The following DCAF6 variants were observed in gnomAD, a reference collection of about 807,000 sequenced individuals.
DCAF6 encodes the protein DDB1- and CUL4-associated factor 6.
In DCAF6, 54 loss-of-function variants were observed where a neutral mutation model predicts 125.1. The ratio of observed to expected loss-of-function variants is 0.43; its 90% CI spans 0.35 to 0.54. DCAF6 has a LOEUF of 0.54. Ranked by LOEUF, DCAF6 falls within the 20% of genes least tolerant of loss-of-function variation. The pLI, the probability that DCAF6 is intolerant of heterozygous loss-of-function variation, is 0.01. For synonymous variants in DCAF6, 371 were observed against 390.4 expected (o/e 0.95, Z 0.58); for missense variants, 934 against 1,161.7 (o/e 0.80, Z 2.85).
At chr1:168,023,976 A>C (rs549501397) in intron 12 of DCAF6, 1 of 152,222 alleles carries the variant, frequency 6.6e-6, no homozygotes, top group South Asian at 2.1e-4. Context: ...GCTACTTGGG[A>C]GGCTGGGGCG....
the DCAF6 span, among the ~76,000 whole-genome samples, chr1:167,880,922 A>G: frequency 6.6e-6 from 1 of 152,258 alleles, no homozygotes; most frequent in Non-Finnish European, 1.5e-5. Flanking sequence ...GTTTAAGTCT[A>G]TGAAGCAGCA....
chr1:167,967,978 A>T (rs1488337494), intron 3 of DCAF6, among the ~76,000 whole-genome samples: 1 of 151,798 alleles, frequency 6.6e-6, no homozygotes, highest in Admixed American at 6.6e-5. Context: ...TGATCTGCCC[A>T]CCTCATCCTC....
intron 7 of DCAF6, among the ~76,000 whole-genome samples, chr1:168,001,292 G>GA (rs1040505798): frequency 8.7e-5 from 13 of 148,574 alleles, no homozygotes; most frequent in African/African-American, 1.2e-4. Flanking sequence ...ACCCTGCCTG[G>GA]AAAAAAAAAA....
chr1:168,013,561 A>G lies in DCAF6; in HGVS notation c.1379-2220A>G, dbSNP rs558592291. 2.9e-4 allele frequency among the ~76,000 whole-genome samples: 44 copies of G among 152,210 alleles called. No individual in the cohort carries two copies. The Middle Eastern group carries it at 0.014, about 47-fold the overall frequency. ...TAATTAATGAGGTTTTTATGCACCTATTCAAAACCAATTCCTCCTCTGATA... is the reference window on the plus strand; with the variant it reads ...TAATTAATGAGGTTTTTATGCACCTGTTCAAAACCAATTCCTCCTCTGATA... On this transcript the variant is annotated intron_variant, in intron 10 of 21. Transcript: ENST00000367840.
intron 3 of DCAF6, chr1:167,968,391 G>A (rs964410740): frequency 2.6e-5 from 4 of 152,304 alleles, no homozygotes; most frequent in Non-Finnish European, 5.9e-5. Context: ...ATTGAAGAGG[G>A]TGTCATGGCT....
the DCAF6 span, among the ~76,000 whole-genome samples, chr1:167,915,658 TCA>T: frequency 4.6e-5 from 7 of 152,100 alleles, no homozygotes; most frequent in African/African-American, 1.7e-4. Context: ...ACCATGTTAG[TCA>T]GTCTTGTCGC....
In DCAF6 at chr1:168,003,742, AATTT is replaced by A. The variant is rs147896090; in HGVS notation, c.998-122_998-119del. ...CTAATAGATTTATATACATTCATAC[AATTT>A]ATTTAGGAAATTTGATTTTTAAAAA... On this transcript the variant is annotated intron_variant, in intron 8 of 21. Coordinates refer to ENST00000367840, the MANE Select transcript of DCAF6 (RefSeq NM_001198956.2). 4,199 of 794,208 alleles carry A rather than the reference AATTT, an allele frequency of 5.3e-3. 118 individuals carry two copies. The African/African-American group carries it at 0.067, about 13-fold the overall frequency. The allele number at this position is 794,208 out of a possible 1,614,324, so 49.2% of individuals were successfully genotyped here. A position where few individuals can be genotyped will look rare whatever the true frequency, so the allele number is the denominator to read the frequency against.
At chr1:167,878,986 G>A in the DCAF6 span, among the ~76,000 whole-genome samples, 1 of 152,206 alleles carries the variant, frequency 6.6e-6, no homozygotes. Context: ...AGGTGGACAA[G>A]CACATGCTTG....
At chr1:167,875,281 C>T in the DCAF6 span, 1 of 1,266,960 alleles carries the variant, frequency 7.9e-7, no homozygotes, top group South Asian at 1.2e-5. Flanking sequence ...AAGTTTCCTT[C>T]TCAATTGCTA....
chr1:168,021,130 C>G (rs1030951422), intron 11 of DCAF6, among the ~76,000 whole-genome samples: 1 of 151,930 alleles, frequency 6.6e-6, no homozygotes, highest in African/African-American at 2.4e-5. Flanking sequence ...AGTTTTTTCC[C>G]CGTGACTTAT....
At chr1:168,011,412 G>A (rs1245931919) in intron 10 of DCAF6, among the ~76,000 whole-genome samples, 1 of 152,028 alleles carries the variant, frequency 6.6e-6, no homozygotes, top group Non-Finnish European at 1.5e-5. Flanking sequence ...CACTGCGCCC[G>A]ACCCAGAATT....
In DCAF6 at chr1:167,966,697, A is replaced by G. The variant is rs771219225; in HGVS notation, c.228A>G (p.Val76=). The G allele has an allele frequency of 2.5e-6, 4 of 1,596,104 alleles. No individual in the cohort carries two copies. The South Asian group carries it at 4.4e-5, about 18-fold the overall frequency. The change falls in exon 3 of 22, where the codon GTA becomes GTG. Residue 76 remains valine (V), a synonymous_variant. Coordinates refer to ENST00000367840, the MANE Select transcript of DCAF6 (RefSeq NM_001198956.2). ...CTGGCTCAGATGACACCAAATTAGT[A>G]ATTAGTAATCCTTACAGCAGAAAGG... ...ILSGSDDTKL[V]ISNPYSRKVL...
At chr1:167,874,902 C>T in the DCAF6 span, among the ~76,000 whole-genome samples, 1 of 152,096 alleles carries the variant, frequency 6.6e-6, no homozygotes, top group African/African-American at 2.4e-5. Context: ...CCATCTGTAT[C>T]AATTTTTTAA....
chr1:168,054,066 C>G (rs1690289509), intron 17 of DCAF6, among the ~76,000 whole-genome samples: 1 of 152,162 alleles, frequency 6.6e-6, no homozygotes. Flanking sequence ...ATTTCAGATA[C>G]TTGTAAAGAT....
chr1:167,971,366 C>G (rs994442348), intron 3 of DCAF6, among the ~76,000 whole-genome samples: 6 of 152,074 alleles, frequency 3.9e-5, no homozygotes, highest in African/African-American at 1.4e-4. Flanking sequence ...TTTTTGCATC[C>G]TCAACACTTA....
At chr1:168,048,530 A>G (rs967047291) in intron 16 of DCAF6, among the ~76,000 whole-genome samples, 5 of 152,232 alleles carry the variant, frequency 3.3e-5, no homozygotes, top group Non-Finnish European at 7.3e-5. Context: ...CATTCTTATA[A>G]TTTGGTTAAA....
intron 1 of DCAF6, among the ~76,000 whole-genome samples, chr1:167,944,808 A>C (rs1368308303): frequency 6.6e-6 from 1 of 152,096 alleles, no homozygotes; most frequent in African/African-American, 2.4e-5. Context: ...TTTTTAGTTT[A>C]ATTGAGTCCC....
intron 4 of DCAF6, among the ~76,000 whole-genome samples, chr1:167,981,275 T>G (rs1679087628): frequency 6.6e-6 from 1 of 152,188 alleles, no homozygotes; most frequent in Non-Finnish European, 1.5e-5. Flanking sequence ...CCGTTTTGAA[T>G]TAATTTTTGC....
chr1:167,896,481 G>A, the DCAF6 span: 1 of 849,508 alleles, frequency 1.2e-6, no homozygotes, highest in South Asian at 1.3e-5. Context: ...TGCTGGTAAG[G>A]ACCAGGAGCT....
Sources: allele counts gnomAD v4.1 joint callset (sites outside exome capture counted in the v4.1 genomes callset), GRCh38; gene constraint gnomAD v4.1.1; transcripts MANE v1.5; gene names NCBI Gene and HGNC (gene_info 2026-07-23, HGNC 2026-07-21).